The following PKNOX2 variants were observed in gnomAD, a reference collection of about 807,000 sequenced individuals.
PKNOX2 encodes the protein homeobox protein PKNOX2.
In PKNOX2, 14 loss-of-function variants were observed where a neutral mutation model predicts 53.1. The observed-to-expected ratio is 0.26, with a 90% CI of 0.17 to 0.41. The LOEUF (loss-of-function observed/expected upper bound fraction) is 0.41. Ranked by LOEUF, PKNOX2 falls within the 10% of genes least tolerant of loss-of-function variation. The probability of loss-of-function intolerance (pLI) is 1.00; values close to 1 mark genes in which losing one functional copy is unlikely to be tolerated. For synonymous variants in PKNOX2, 257 were observed against 242.8 expected (o/e 1.06, Z -0.54); for missense variants, 496 against 602.8 (o/e 0.82, Z 1.85).
At chr11:125,170,544 C>G (rs1381308486) in intron 1 of PKNOX2, among the ~76,000 whole-genome samples, 1 of 152,162 alleles carries the variant, frequency 6.6e-6, no homozygotes, top group Non-Finnish European at 1.5e-5. Context: ...TCATCTCACG[C>G]GGTCAAGCAG....
At chr11:125,425,056 G>A (rs1458187561) in intron 10 of PKNOX2, among the ~76,000 whole-genome samples, 1 of 152,186 alleles carries the variant, frequency 6.6e-6, no homozygotes, top group Admixed American at 6.5e-5. Context: ...GAGTCCTTGA[G>A]TATTCAACTA....
intron 1 of PKNOX2, among the ~76,000 whole-genome samples, chr11:125,187,407 A>C (rs1360498421): frequency 1.3e-5 from 2 of 152,130 alleles, no homozygotes; most frequent in East Asian, 3.8e-4. Context: ...TTCAGTATAC[A>C]AGTCTTTCAT....
intron 7 of PKNOX2, among the ~76,000 whole-genome samples, chr11:125,404,979 G>T (rs1279377553): frequency 6.6e-6 from 1 of 152,204 alleles, no homozygotes; most frequent in Non-Finnish European, 1.5e-5. Context: ...CCCAGGCAGG[G>T]GAGCCGCCAG....
intron 1 of PKNOX2, among the ~76,000 whole-genome samples, chr11:125,174,574 G>A (rs1955565467): frequency 6.6e-6 from 1 of 152,154 alleles, no homozygotes; most frequent in East Asian, 1.9e-4. Flanking sequence ...GAAGGTGATA[G>A]GACACCAGAG....
At chr11:125,319,699 A>G (rs982657476) in intron 2 of PKNOX2, among the ~76,000 whole-genome samples, 3 of 152,244 alleles carry the variant, frequency 2.0e-5, no homozygotes, top group African/African-American at 7.2e-5. Flanking sequence ...AAATGCATAT[A>G]ACAAAGGAGG....
intron 1 of PKNOX2, among the ~76,000 whole-genome samples, chr11:125,218,408 G>A (rs1460934552): frequency 6.7e-6 from 1 of 148,206 alleles, no homozygotes; most frequent in African/African-American, 2.6e-5. Flanking sequence ...TGGCAGTGAT[G>A]GGGGGGGGAC....
intron 6 of PKNOX2, among the ~76,000 whole-genome samples, chr11:125,392,878 GC>G (rs1954136765): frequency 6.6e-6 from 1 of 152,076 alleles, no homozygotes; most frequent in East Asian, 1.9e-4. Flanking sequence ...AGAAAGTTTG[GC>G]CGGGCGCGGT....
intron 2 of PKNOX2, among the ~76,000 whole-genome samples, chr11:125,245,470 G>A (rs980179718): frequency 2.6e-5 from 4 of 152,224 alleles, no homozygotes; most frequent in Non-Finnish European, 5.9e-5. Flanking sequence ...CAAAGACTAT[G>A]TGCTTTCCAC....
At chr11:125,391,702 AG>A (rs774308229) in intron 6 of PKNOX2, among the ~76,000 whole-genome samples, 29 of 152,260 alleles carry the variant, frequency 1.9e-4, no homozygotes, top group Admixed American at 8.5e-4. Context: ...GTACAGTGGT[AG>A]GAGACTAAAA....
chr11:125,251,609 A>G (rs1944004004), intron 2 of PKNOX2, among the ~76,000 whole-genome samples: 1 of 151,910 alleles, frequency 6.6e-6, no homozygotes, highest in Admixed American at 6.6e-5. Flanking sequence ...GGGAGCTGAG[A>G]TCTACACAGA....
chr11:125,351,833 C>A (rs1951342343), intron 4 of PKNOX2, among the ~76,000 whole-genome samples: 1 of 152,092 alleles, frequency 6.6e-6, no homozygotes, highest in African/African-American at 2.4e-5. Flanking sequence ...TCACTTGGGC[C>A]CTTTTGTCCT....
At position 125,393,521 on chromosome 11, in the gene PKNOX2, G is replaced by A. The variant is rs185499525; in HGVS notation, c.400-4353G>A. Among the ~76,000 whole-genome samples the A allele has an allele frequency of 2.9e-4, 44 of 152,268 alleles. 1 individual carries two copies. Among genetic ancestry groups the A allele is most frequent in the Admixed American group, 1.5e-3 (23 of 15,296 alleles). ...AGTTTGGACTGTGCAGCCACCTAGA[G>A]GCTGGTCCAGGTCACCGTGTGGGGT... is the stretch of plus-strand genomic sequence containing the variant. On this transcript the variant is annotated intron_variant, in intron 6 of 12. Transcript: ENST00000298282.
chr11:125,308,859 G>A (rs562462536), intron 2 of PKNOX2, among the ~76,000 whole-genome samples: 4 of 152,140 alleles, frequency 2.6e-5, no homozygotes, highest in Non-Finnish European at 4.4e-5. Context: ...CAGCACTCTC[G>A]CCTGCACAGT....
intron 2 of PKNOX2, among the ~76,000 whole-genome samples, chr11:125,254,047 G>A (rs1266265792): frequency 1.3e-5 from 2 of 152,104 alleles, no homozygotes; most frequent in African/African-American, 4.8e-5. Context: ...GCTTCCTCCA[G>A]CTCCTAGGGA....
chr11:125,216,256 T>C (rs916734283), intron 1 of PKNOX2, among the ~76,000 whole-genome samples: 2 of 152,204 alleles, frequency 1.3e-5, no homozygotes, highest in Admixed American at 6.5e-5. Context: ...GCCAGAGGAC[T>C]AAGGCAGGGA....
intron 2 of PKNOX2, among the ~76,000 whole-genome samples, chr11:125,243,811 A>G (rs1231575979): frequency 1.3e-5 from 2 of 151,876 alleles, no homozygotes; most frequent in South Asian, 4.2e-4. Flanking sequence ...TTTAGTAGAG[A>G]CGGGGTTTCA....
chr11:125,351,487 G>A (rs781417066), intron 4 of PKNOX2, 95 bp downstream of exon 4: 4 of 804,642 alleles, frequency 5.0e-6, no homozygotes, highest in East Asian at 2.7e-5. Flanking sequence ...AGGGGCCGAC[G>A]GGCAGAGCCA....
At chr11:125,364,805 G>A (rs1357916577) in intron 4 of PKNOX2, among the ~76,000 whole-genome samples, 1 of 152,122 alleles carries the variant, frequency 6.6e-6, no homozygotes, top group South Asian at 2.1e-4. Context: ...GTGGTGGGTG[G>A]TGATTATTAA....
chr11:125,313,442 G>C (rs1948955548), intron 2 of PKNOX2, among the ~76,000 whole-genome samples: 1 of 152,220 alleles, frequency 6.6e-6, no homozygotes, highest in African/African-American at 2.4e-5. Context: ...AACCAGGTCT[G>C]ACTCATCTTT....
Sources: allele counts gnomAD v4.1 joint callset (sites outside exome capture counted in the v4.1 genomes callset), GRCh38; gene constraint gnomAD v4.1.1; transcripts MANE v1.5; gene names NCBI Gene and HGNC (gene_info 2026-07-23, HGNC 2026-07-21).